The following MORC2 variants were observed in gnomAD, a reference collection of about 807,000 sequenced individuals.
MORC2 encodes MORC family CW-type zinc finger 2, also known as ATPase MORC2.
MORC2 carries 30 observed loss-of-function variants against 136.0 expected under a neutral mutation model. The observed-to-expected ratio is 0.22, with a 90% confidence interval of 0.17 to 0.30. MORC2 has a LOEUF of 0.30. MORC2 is among the 10% of genes least tolerant of loss of function. The pLI is 1.00. For missense variants in MORC2, 922 were observed against 1,333.1 expected (o/e 0.69, Z 4.80); for synonymous variants, 439 against 487.0 (o/e 0.90, Z 1.30).
intron 1 of MORC2, among the ~76,000 whole-genome samples, chr22:30,960,022 C>T (rs2041020889): frequency 6.6e-6 from 1 of 152,182 alleles, no homozygotes; most frequent in African/African-American, 2.4e-5. Flanking sequence ...GGCTGGAGTG[C>T]GATGGCACAA....
intron 5 of MORC2, 95 bp downstream of exon 5, chr22:30,949,657 G>A: frequency 9.6e-7 from 1 of 1,040,808 alleles, no homozygotes; most frequent in Non-Finnish European, 1.5e-6. Context: ...ATAGTCAATA[G>A]AGGGACAAGG....
At chr22:30,950,353 C>CAAAA in intron 4 of MORC2, 24 bp downstream of exon 4, 8 of 1,481,912 alleles carry the variant, frequency 5.4e-6, no homozygotes, top group South Asian at 1.1e-5. Context: ...CCCCACCCCC[C>CAAAA]AAAACAATAA....
chr22:30,941,736 GCACAGGCACCC>G lies in MORC2; in HGVS notation c.698+144_698+154del, dbSNP rs573200481. Among the ~76,000 whole-genome samples, 57 of 152,178 alleles carry G rather than the reference GCACAGGCACCC, an allele frequency of 3.7e-4. No homozygotes were observed. The highest frequency in any genetic ancestry group is 3.4e-3 in the Middle Eastern group (1 of 294). On this transcript the variant is annotated intron_variant, in intron 8 of 25. Transcript: ENST00000397641. This position sits in a 1 kb window ranked among gnomAD's most constrained non-coding sequence, Gnocchi z 4.6. Reference sequence around the variant, plus strand: ...ACATCCCGCCCCTCTCACGTCCTCAGCACAGGCACCCCACAGGCAACTGAGCTGGCCCTACA... The same window carrying G: ...ACATCCCGCCCCTCTCACGTCCTCAGCACAGGCAACTGAGCTGGCCCTACA...
chr22:30,937,529 A>T lies in MORC2; in HGVS notation c.1498+54T>A. The T allele has an allele frequency of 6.3e-7, 1 of 1,589,470 alleles. No individual in the cohort carries two copies. Among genetic ancestry groups the T allele is most frequent in the Non-Finnish European group, 8.6e-7 (1 of 1,169,162 alleles). On this transcript the variant is annotated intron_variant, in intron 15 of 25. Coordinates refer to ENST00000397641, the MANE Select transcript of MORC2 (RefSeq NM_001303256.3). The surrounding 1 kb of genome is among the most constrained non-coding windows in gnomAD (Gnocchi z 4.7). ...GGAGGCTGGCAGGAAGATAGAGAAAAGAGGCTTGTGGGCTGATGGAAATGA... is the reference window on the plus strand; with the variant it reads ...GGAGGCTGGCAGGAAGATAGAGAAATGAGGCTTGTGGGCTGATGGAAATGA...
intron 5 of MORC2, among the ~76,000 whole-genome samples, chr22:30,948,543 T>C (rs2040849188): frequency 6.6e-6 from 1 of 152,228 alleles, no homozygotes; most frequent in South Asian, 2.1e-4. Flanking sequence ...ACCTACTTGG[T>C]ATGCATTATC....
chr22:30,952,881 GT>G (rs1464051081), intron 3 of MORC2, among the ~76,000 whole-genome samples: 1 of 152,232 alleles, frequency 6.6e-6, no homozygotes, highest in Admixed American at 6.5e-5. Context: ...GGACAGGAGG[GT>G]TTAAGCTGAA....
chr22:30,926,742 T>C lies in MORC2; in HGVS notation c.*61A>G. 11 of 1,413,908 alleles carry C rather than the reference T, an allele frequency of 7.8e-6. No individual in the cohort carries two copies. Among genetic ancestry groups the C allele is most frequent in the East Asian group, 2.3e-5 (1 of 43,132 alleles). The allele number at this position is 1,413,908 out of a possible 1,614,324, so 87.6% of individuals were successfully genotyped here. ...CCACCAACCCATGAATGAAGTCCCC[T>C]CCCCCTGCAGCTACAGGGTTGAGGG... On this transcript the variant is annotated 3_prime_UTR_variant, in exon 26 of 26. Coordinates refer to ENST00000397641, the MANE Select transcript of MORC2 (RefSeq NM_001303256.3).
Position 30,926,294 on chromosome 22 carries a change from A to G in MORC2, c.*509T>C, listed in dbSNP as rs1188039962. On this transcript the variant is annotated 3_prime_UTR_variant, in exon 26 of 26. Transcript: ENST00000397641. ...AGAGAGAGAGCCCCTCCAATGTGGA[A>G]CCTCCTACACAGCCCCCCTTTTGGG... 1 of 152,112 alleles carries G rather than the reference A, an allele frequency of 6.6e-6. No individual in the cohort carries two copies. Among genetic ancestry groups the G allele is most frequent in the Non-Finnish European group, 1.5e-5 (1 of 68,106 alleles). The allele number at this position is 152,112 out of a possible 1,614,324, so 9.4% of individuals were successfully genotyped here. A position where few individuals can be genotyped will look rare whatever the true frequency, so the allele number is the denominator to read the frequency against.
At chr22:30,959,897 T>C (rs1304420501) in intron 1 of MORC2, among the ~76,000 whole-genome samples, 2 of 152,260 alleles carry the variant, frequency 1.3e-5, no homozygotes, top group South Asian at 2.1e-4. Context: ...TAAATATCCA[T>C]AACTAAACTC....
At chr22:30,958,526 A>G in intron 2 of MORC2, 115 bp downstream of exon 2, 1 of 696,052 alleles carries the variant, frequency 1.4e-6, no homozygotes, top group Non-Finnish European at 2.3e-6. Context: ...TAGGAGTTAC[A>G]GAATGTCTAC....
rs1390724039 is a variant in MORC2 at position 30,967,904 on chromosome 22, C to T, written c.-15G>A. 2.6e-6 allele frequency: 4 copies of T among 1,529,570 alleles called. No homozygotes were observed. Among genetic ancestry groups the T allele is most frequent in the Admixed American group, 3.9e-5 (2 of 50,982 alleles). The allele number at this position is 1,529,570 out of a possible 1,614,324, so 94.7% of individuals were successfully genotyped here. A position where few individuals can be genotyped will look rare whatever the true frequency, so the allele number is the denominator to read the frequency against. On this transcript the variant is annotated 5_prime_UTR_variant, in exon 1 of 26. Coordinates refer to ENST00000397641, the MANE Select transcript of MORC2 (RefSeq NM_001303256.3). The stretch of plus-strand genomic sequence containing the variant: ...GTGAAAGCCATGACTGCAATAAGGT[C>T]TCCAGCCCTTCACCCGCTAACTGGG...
At chr22:30,926,929 C>G in intron 25 of MORC2, 58 bp from the exon 26 acceptor site, 1 of 1,425,274 alleles carries the variant, frequency 7.0e-7, no homozygotes, top group Non-Finnish European at 9.9e-7. Flanking sequence ...GGGGGCTCAC[C>G]TTTCCACCCT....
rs1207658746 is a variant in MORC2, at chr22:30,926,664, T to C, written c.*139A>G. The stretch of plus-strand genomic sequence containing the variant: ...TTAAGGAAGATTCAAAGAATCAGGG[T>C]ATCTTTTCCTCCAAAAACACAAATG... On this transcript the variant is annotated 3_prime_UTR_variant, in exon 26 of 26. Coordinates refer to ENST00000397641, the MANE Select transcript of MORC2 (RefSeq NM_001303256.3). The C allele has an allele frequency of 8.7e-6, 4 of 457,260 alleles. No homozygotes were observed. Among genetic ancestry groups the C allele is most frequent in the Non-Finnish European group, 1.5e-5 (4 of 260,284 alleles). The allele number at this position is 457,260 out of a possible 1,614,324, so 28.3% of individuals were successfully genotyped here.
At chr22:30,952,709 A>G (rs1048172514) in intron 3 of MORC2, among the ~76,000 whole-genome samples, 8 of 152,228 alleles carry the variant, frequency 5.3e-5, no homozygotes, top group Non-Finnish European at 1.0e-4. Context: ...TCAAATGCTT[A>G]TGCCAATCAC....
intron 25 of MORC2, among the ~76,000 whole-genome samples, chr22:30,927,086 C>T (rs977870679): frequency 6.6e-6 from 1 of 152,120 alleles, no homozygotes; most frequent in Non-Finnish European, 1.5e-5. Flanking sequence ...GCCCACCCTG[C>T]CTCTACCCCA....
In MORC2 at chr22:30,941,496, C is replaced by T; in HGVS notation, c.761G>A (p.Arg254Lys). The change falls in exon 9 of 26, where the codon AGG becomes AAG. Residue 254 changes from arginine to lysine, a missense_variant. Transcript: ENST00000397641. This position sits in a 1 kb window ranked among gnomAD's most constrained non-coding sequence, Gnocchi z 4.6. ...CACCTTGTGCCCATGGATGAAGATC[C>T]TCATCCGGGGATCAATATAGAGCAC... The part of the protein sequence containing the change: ...AAVLYIDPRM[R>K]IFIHGHKVQT... The T allele has an allele frequency of 6.2e-7, 1 of 1,614,098 alleles. No homozygotes were observed. Among genetic ancestry groups the T allele is most frequent in the Non-Finnish European group, 8.5e-7 (1 of 1,179,990 alleles).
chr22:30,963,679 G>A (rs2041083319), intron 1 of MORC2, among the ~76,000 whole-genome samples: 1 of 152,112 alleles, frequency 6.6e-6, no homozygotes, highest in East Asian at 1.9e-4. Flanking sequence ...AGCCAACCGC[G>A]CCTGGCTGAT....
At chr22:30,928,675 A>T (rs776075098) in intron 24 of MORC2, among the ~76,000 whole-genome samples, 24 of 152,204 alleles carry the variant, frequency 1.6e-4, no homozygotes, top group Non-Finnish European at 3.4e-4. Flanking sequence ...TCTGTGGAGT[A>T]GTATATACTT....
At chr22:30,942,069 G>A (rs776944016) in intron 7 of MORC2, 43 bp downstream of exon 7, 1 of 1,610,126 alleles carries the variant, frequency 6.2e-7, no homozygotes, top group Non-Finnish European at 8.5e-7. Flanking sequence ...TGTGATTCTG[G>A]AGCTCCCAGA....
Sources: allele counts gnomAD v4.1 joint callset (sites outside exome capture counted in the v4.1 genomes callset), GRCh38; gene constraint gnomAD v4.1.1; non-coding constraint Gnocchi (gnomAD v3.1); transcripts MANE v1.5; gene names NCBI Gene and HGNC (gene_info 2026-07-23, HGNC 2026-07-21).